The following LYST variants were observed in gnomAD, a reference collection of about 807,000 sequenced individuals.
LYST encodes lysosomal trafficking regulator.
Under a neutral mutation model 413.6 loss-of-function variants are expected in LYST, and 192 were observed. The observed-to-expected ratio is 0.46, with a 90% CI of 0.41 to 0.52. The LOEUF is 0.52. Among genes scored for constraint, LYST ranks in the 20% least tolerant of loss-of-function variants. The probability of loss-of-function intolerance (pLI) is 0.00; values close to 1 mark genes in which losing one functional copy is unlikely to be tolerated. For missense variants in LYST, 3,815 were observed against 4,499.9 expected (o/e 0.85, Z 4.35); for synonymous variants, 1,525 against 1,567.3 (o/e 0.97, Z 0.64).
chr1:235,728,550 C>A (rs1213700469), intron 37 of LYST, among the ~76,000 whole-genome samples: 1 of 152,160 alleles, frequency 6.6e-6, no homozygotes, highest in Non-Finnish European at 1.5e-5. Context: ...AAAGGGAAAT[C>A]CTTAATTATT....
chr1:235,668,844 C>T (rs907436758), intron 50 of LYST, among the ~76,000 whole-genome samples: 1 of 152,196 alleles, frequency 6.6e-6, no homozygotes, highest in Non-Finnish European at 1.5e-5. Flanking sequence ...CAAACTTGTA[C>T]TACCAAAGTC....
chr1:235,712,611 T>C (rs1662484172), intron 42 of LYST: 1 of 984,912 alleles, frequency 1.0e-6, no homozygotes, highest in African/African-American at 1.7e-5. Flanking sequence ...CAAACAGTTT[T>C]TTCCCCATCA....
At chr1:235,684,618 T>C (rs905708707) in intron 48 of LYST, among the ~76,000 whole-genome samples, 1 of 152,166 alleles carries the variant, frequency 6.6e-6, no homozygotes, top group African/African-American at 2.4e-5. Flanking sequence ...GCTTATAACC[T>C]TTTTTAAAAA....
chr1:235,738,384 C>A, intron 31 of LYST: 1 of 1,613,164 alleles, frequency 6.2e-7, no homozygotes, highest in Non-Finnish European at 8.5e-7. Context: ...AAATACAGCC[C>A]GAACTGCAAG....
At chr1:235,743,481 C>T (rs1187365112) in intron 30 of LYST, among the ~76,000 whole-genome samples, 1 of 152,052 alleles carries the variant, frequency 6.6e-6, no homozygotes, top group African/African-American at 2.4e-5. Context: ...CGATTTGTTC[C>T]GTTGTGTCAA....
At chr1:235,800,492 T>C in intron 9 of LYST, 106 bp from the exon 10 acceptor site, 4 of 675,784 alleles carry the variant, frequency 5.9e-6, no homozygotes, top group Non-Finnish European at 1.1e-5. Context: ...TATATATGTA[T>C]ATATGTATTT....
intron 22 of LYST, among the ~76,000 whole-genome samples, chr1:235,760,208 G>T (rs995753702): frequency 1.3e-5 from 2 of 151,990 alleles, no homozygotes; most frequent in African/African-American, 4.8e-5. Flanking sequence ...TCACTTAATT[G>T]TACTACAGTT....
At chr1:235,838,967 C>T (rs1168824589) in intron 1 of LYST, among the ~76,000 whole-genome samples, 2 of 152,034 alleles carry the variant, frequency 1.3e-5, no homozygotes, top group African/African-American at 4.8e-5. Context: ...TCTCCCCCTA[C>T]TGCCCTATCC....
At chr1:235,817,154 T>C (rs537912792) in intron 3 of LYST, among the ~76,000 whole-genome samples, 25 of 149,742 alleles carry the variant, frequency 1.7e-4, no homozygotes, top group African/African-American at 6.2e-4. Flanking sequence ...GAAATGCAAA[T>C]CAAAACCACA....
Position 235,753,249 on chromosome 1 carries a change from T to C in LYST, c.7255A>G (p.Met2419Val), listed in dbSNP as rs772351029. The C allele has an allele frequency of 1.9e-6, 3 of 1,604,428 alleles. No individual in the cohort carries two copies. The highest frequency in any genetic ancestry group is 2.6e-6 in the Non-Finnish European group (3 of 1,171,500). ...EEFDLEDVRN[M>V]GLFQKWSVIP... is the part of the protein sequence containing the mutation. Reference sequence around the variant, plus strand: ...ACAGACCACTTCTGAAACAATCCCATGTTTCTCACATCTTCCAGATCAAAT... The same window carrying C: ...ACAGACCACTTCTGAAACAATCCCACGTTTCTCACATCTTCCAGATCAAAT... Residue 2419 changes from methionine (M) to valine (V), a missense_variant, in exon 26 of 53, where the codon ATG (methionine) becomes GTG (valine). Met to Val is a conservative substitution (Grantham distance 21, BLOSUM62 1). This residue lies in a region of LYST where 771 missense variants were observed against 837.1 expected (regional missense o/e 0.92). Transcript: ENST00000389793.
chr1:235,700,847 CA>C (rs1175473655), intron 45 of LYST, among the ~76,000 whole-genome samples: 8 of 152,240 alleles, frequency 5.3e-5, no homozygotes, highest in Admixed American at 5.2e-4. Flanking sequence ...ACAAGACAGA[CA>C]AAGTCCTTGT....
intron 1 of LYST, among the ~76,000 whole-genome samples, chr1:235,876,269 G>A (rs1681134140): frequency 6.6e-6 from 1 of 152,056 alleles, no homozygotes; most frequent in Non-Finnish European, 1.5e-5. Flanking sequence ...AAAAGGGAAA[G>A]AACATCCCAC....
intron 1 of LYST, among the ~76,000 whole-genome samples, chr1:235,844,264 G>A (rs960281662): frequency 5.1e-5 from 6 of 118,222 alleles, no homozygotes; most frequent in Non-Finnish European, 1.1e-4. Context: ...AAATCTTTAT[G>A]AGAAAAAAAG....
intron 50 of LYST, among the ~76,000 whole-genome samples, chr1:235,673,557 C>T (rs1659136594): frequency 6.6e-6 from 1 of 152,146 alleles, no homozygotes; most frequent in Admixed American, 6.5e-5. Flanking sequence ...CCGAAGGAGT[C>T]ACCGCCCCCC....
chr1:235,770,345 T>C, intron 19 of LYST, 48 bp from the exon 20 acceptor site: 4 of 1,578,240 alleles, frequency 2.5e-6, no homozygotes, highest in South Asian at 1.1e-5. Flanking sequence ...CTGAAAAATA[T>C]GCAGCATGCT....
At chr1:235,695,478 A>G (rs374796704) in intron 46 of LYST, among the ~76,000 whole-genome samples, 4 of 152,238 alleles carry the variant, frequency 2.6e-5, no homozygotes, top group South Asian at 2.1e-4. Context: ...GAGCGAACAT[A>G]GCTATTAAGG....
At chr1:235,733,441 G>A (rs772221166) in intron 34 of LYST, 62 bp downstream of exon 34, 69 of 1,393,724 alleles carry the variant, frequency 5.0e-5, no homozygotes, top group Admixed American at 1.7e-4. Flanking sequence ...TACAAATTCC[G>A]TTTAACATCA....
intron 16 of LYST, among the ~76,000 whole-genome samples, chr1:235,777,721 G>A (rs1328800204): frequency 6.6e-6 from 1 of 151,938 alleles, no homozygotes; most frequent in East Asian, 1.9e-4. Flanking sequence ...TTGCTCATTG[G>A]CTGACTCTTC....
At chr1:235,863,372 A>T (rs1042421997) in intron 1 of LYST, among the ~76,000 whole-genome samples, 2 of 151,920 alleles carry the variant, frequency 1.3e-5, no homozygotes, top group African/African-American at 4.8e-5. Context: ...AGCCTGGGTG[A>T]CAGAGCGAGA....
Sources: allele counts gnomAD v4.1 joint callset (sites outside exome capture counted in the v4.1 genomes callset), GRCh38; gene constraint gnomAD v4.1.1; regional missense constraint gnomAD v4.1.1; transcripts MANE v1.5; gene names NCBI Gene and HGNC (gene_info 2026-07-23, HGNC 2026-07-21).